Variants in HELQ observed in about 807,000 individuals in gnomAD.
HELQ encodes helicase POLQ-like.
In HELQ, 77 loss-of-function variants were observed where a neutral mutation model predicts 111.6. The ratio of observed to expected loss-of-function variants is 0.69; its 90% confidence interval spans 0.57 to 0.83. HELQ has a LOEUF of 0.83. HELQ is among the 40% of genes least tolerant of loss of function. HELQ has a pLI of 0.00. For synonymous variants in HELQ, 438 were observed against 454.7 expected (o/e 0.96, Z 0.47); for missense variants, 1,200 against 1,288.5 (o/e 0.93, Z 1.05).
chr4:83,448,669 C>CAGAA, intron 3 of HELQ, 114 bp downstream of exon 3: 8 of 672,658 alleles, frequency 1.2e-5, no homozygotes, highest in Non-Finnish European at 1.8e-5. Context: ...GACTCCATCT[C>CAGAA]AAAAAAAAAA....
At chr4:83,455,879 C>A (rs561694487), upstream of HELQ, 1 of 769,222 alleles carries the variant, frequency 1.3e-6, no homozygotes, top group South Asian at 1.6e-5. Flanking sequence ...TCATAAGCCT[C>A]ACGTGACCTG....
intron 1 of HELQ, among the ~76,000 whole-genome samples, chr4:83,454,265 C>G (rs1242907220): frequency 6.6e-6 from 1 of 152,106 alleles, no homozygotes; most frequent in Non-Finnish European, 1.5e-5. Context: ...AGGGCTGTAC[C>G]AAGTATATAA....
At position 83,450,663 on chromosome 4, in the gene HELQ, TC is replaced by T. The variant is rs1337153251; in HGVS notation, c.1013-1703del. On this transcript the variant is annotated intron_variant, in intron 2 of 17. Transcript: ENST00000295488. ...AATATTTATGAATACAATCTTCACA[TC>T]AAAAAAAAAAAAAAAAACTAGCCGG... Among the ~76,000 whole-genome samples, 16 of 124,396 alleles carry T rather than the reference TC, an allele frequency of 1.3e-4. No individual in the cohort carries two copies. The East Asian group carries it at 1.5e-3, about 12-fold the overall frequency. 81.6% of individuals were successfully genotyped at this position (124,396 alleles called of 152,430 possible).
chr4:83,416,934 C>A, intron 16 of HELQ, 69 bp from the exon 17 acceptor site: 1 of 1,392,276 alleles, frequency 7.2e-7, no homozygotes, highest in Non-Finnish European at 9.8e-7. Context: ...AAGCACTTTA[C>A]TGAAAAGAAC....
At chr4:83,413,166 A>G (rs1029612625) in intron 17 of HELQ, among the ~76,000 whole-genome samples, 3 of 152,154 alleles carry the variant, frequency 2.0e-5, no homozygotes, top group African/African-American at 7.2e-5. Flanking sequence ...CTTCATCTGT[A>G]TCTTTGTGAT....
Position 83,455,487 on chromosome 4 carries a change from T to C in HELQ, c.207A>G (p.Ser69=). The change falls in exon 1 of 18, where the codon TCA becomes TCG. Residue 69 remains serine, a synonymous_variant. Transcript: ENST00000295488. ...LPVEVQPLLL[S]DSPECLVLGG... ...CAAGGACGAGACATTCCGGGGAATC[T>C]GAGAGTAGAAGGGGCTGTACCTCAA... 1 of 1,614,214 alleles carries C rather than the reference T, an allele frequency of 6.2e-7. No individual in the cohort carries two copies. Among genetic ancestry groups the C allele is most frequent in the Non-Finnish European group, 8.5e-7 (1 of 1,180,044 alleles).
rs749639430 is a variant in HELQ, at chr4:83,427,532, T to A, written c.2676+31A>T. The A allele has an allele frequency of 4.8e-6, 7 of 1,449,672 alleles. No individual in the cohort carries two copies. The East Asian group carries it at 1.8e-4, about 37-fold the overall frequency. The allele number at this position is 1,449,672 out of a possible 1,614,324, so 89.8% of individuals were successfully genotyped here. A position where few individuals can be genotyped will look rare whatever the true frequency, so the allele number is the denominator to read the frequency against. ...AGCATGTAATAATTCATAAACGAAG[T>A]AGCCTAAGTTGAAAAACGTTATATT... On this transcript the variant is annotated intron_variant, in intron 13 of 17. Transcript: ENST00000295488.
intron 1 of HELQ, 152 bp from the exon 2 acceptor site, chr4:83,454,097 G>A: frequency 1.6e-6 from 1 of 627,446 alleles, no homozygotes; most frequent in South Asian, 1.9e-5. Context: ...CCAGCTACTC[G>A]GAGGCTCAGG....
chr4:83,442,133 C>G (rs1003145170), intron 6 of HELQ, among the ~76,000 whole-genome samples: 1 of 151,710 alleles, frequency 6.6e-6, no homozygotes, highest in African/African-American at 2.4e-5. Context: ...CTTTATTTGT[C>G]GACAAAAACA....
intron 3 of HELQ, among the ~76,000 whole-genome samples, chr4:83,447,602 T>C (rs1028020311): frequency 3.3e-5 from 5 of 152,228 alleles, no homozygotes; most frequent in Admixed American, 6.5e-5. Context: ...CTCATGCCTG[T>C]AATCTCAGCA....
chr4:83,450,246 A>AAAAAAAAAG, intron 2 of HELQ, among the ~76,000 whole-genome samples: 1 of 138,692 alleles, frequency 7.2e-6, no homozygotes, highest in Non-Finnish European at 1.5e-5. Context: ...AAAAAAAAAA[A>AAAAAAAAAG]AAAAAAAAGC....
At chr4:83,417,297 C>T (rs553037415) in intron 16 of HELQ, among the ~76,000 whole-genome samples, 3 of 151,556 alleles carry the variant, frequency 2.0e-5, no homozygotes, top group East Asian at 1.9e-4. Flanking sequence ...GCACCACTCA[C>T]GTTCACAAAA....
chr4:83,418,196 T>C lies in HELQ; in HGVS notation c.2960A>G (p.Glu987Gly). 1 of 1,571,002 alleles carries C rather than the reference T, an allele frequency of 6.4e-7. No individual in the cohort carries two copies. Among genetic ancestry groups the C allele is most frequent in the Non-Finnish European group, 8.7e-7 (1 of 1,149,992 alleles). ...CVLHFCEELE[E>G]FWVYRALLVE... ...CAAAAGGGCTCTGTAAACCCAAAAC[T>C]CCTCAAGCTCCTGTAGAACACAAAG... The change falls in exon 16 of 18, where the codon GAG (glutamate) becomes GGG (glycine). Residue 987 changes from glutamate to glycine, a missense_variant. Transcript: ENST00000295488.
Position 83,448,768 on chromosome 4 carries a change from TACAC to T in HELQ, c.1191+11_1191+14del, listed in dbSNP as rs527970977. The stretch of plus-strand genomic sequence containing the variant: ...AGCAAATAACATTTGTTTTAAAACA[TACAC>T]ACACACACACCTTTTCTTGGACAAT... On this transcript the variant is annotated intron_variant, in intron 3 of 17. Transcript: ENST00000295488. 4.4e-6 allele frequency: 7 copies of T among 1,576,414 alleles called. No individual in the cohort carries two copies. The African/African-American group carries it at 8.1e-5, about 18-fold the overall frequency.
At chr4:83,431,076 T>C (rs1379074734) in intron 11 of HELQ, among the ~76,000 whole-genome samples, 1 of 152,088 alleles carries the variant, frequency 6.6e-6, no homozygotes, top group Non-Finnish European at 1.5e-5. Context: ...AGTTCCAAAG[T>C]TAATTTCATC....
At position 83,446,920 on chromosome 4, in the gene HELQ, G is replaced by A. The variant is rs1721078668; in HGVS notation, c.1307C>T (p.Ala436Val). ...KRREKKSLYI[A>V]TIEKGHSLVN... is the part of the protein sequence containing the mutation. ...CAAGCTATGTCCTTTTTCAATAGTG[G>A]CAATATAGAGTGATTTCTTTTCCCT... is the stretch of plus-strand genomic sequence containing the variant. Residue 436 changes from alanine (A) to valine (V), a missense_variant, in exon 4 of 18, where the codon GCC (alanine) becomes GTC (valine). By Grantham distance (64) the Ala-to-Val change is moderately conservative. Transcript: ENST00000295488. 3.7e-6 allele frequency: 6 copies of A among 1,610,708 alleles called. No individual in the cohort carries two copies. Among genetic ancestry groups the A allele is most frequent in the Non-Finnish European group, 5.1e-6 (6 of 1,176,996 alleles).
chr4:83,446,388 C>T (rs973523547), intron 4 of HELQ, among the ~76,000 whole-genome samples: 4 of 152,132 alleles, frequency 2.6e-5, no homozygotes, highest in African/African-American at 9.7e-5. Flanking sequence ...CTCACTGCAA[C>T]CTCCACCTCC....
chr4:83,455,213 C>T (rs1342904872), intron 1 of HELQ, 184 bp downstream of exon 1: 11 of 1,294,310 alleles, frequency 8.5e-6, no homozygotes, highest in Non-Finnish European at 1.1e-5. Context: ...ACTTTTATGT[C>T]TCGGGGTTTA....
At chr4:83,412,063 C>A (rs1348075106) in intron 17 of HELQ, among the ~76,000 whole-genome samples, 1 of 152,118 alleles carries the variant, frequency 6.6e-6, no homozygotes, top group Non-Finnish European at 1.5e-5. Context: ...ATGAGAGAAC[C>A]CAAAGCCAAG....
Sources: gnomAD v4.1 joint callset for allele counts (sites outside exome capture counted in the v4.1 genomes callset) on GRCh38, gnomAD v4.1.1 for gene constraint, MANE v1.5 for transcripts, NCBI Gene and HGNC (gene_info 2026-07-23, HGNC 2026-07-21) for gene names.